Variants in MLLT3 observed in about 807,000 individuals in gnomAD.
MLLT3 encodes the protein MLLT3 super elongation complex subunit, also known as protein AF-9.
In MLLT3, 4 loss-of-function variants were observed where a neutral mutation model predicts 53.2. The ratio of observed to expected loss-of-function variants is 0.08; its 90% CI spans 0.04 to 0.17. MLLT3 has a LOEUF of 0.17. Ranked by LOEUF, MLLT3 falls within the 10% of genes least tolerant of loss-of-function variation. The pLI, the probability that MLLT3 is intolerant of heterozygous loss-of-function variation, is 1.00. For synonymous variants in MLLT3, 283 were observed against 230.6 expected, an observed-to-expected ratio of 1.23 and a Z score of -2.06; for missense variants, 569 against 684.0, an observed-to-expected ratio of 0.83 and a Z score of 1.87.
Position 20,620,248 on chromosome 9 carries a change from G to A in MLLT3, c.193+406C>T, listed in dbSNP as rs911313953. On this transcript the variant is annotated intron_variant, in intron 2 of 10. Coordinates refer to ENST00000380338, the MANE Select transcript of MLLT3 (RefSeq NM_004529.4). The surrounding 1 kb of genome is among the most constrained non-coding windows in gnomAD (Gnocchi z 6.1). ...ACACAGGTAAATCTTAATTTCTCTAGGAAAACACACACACACACACACACA... is the reference window on the plus strand; with the variant it reads ...ACACAGGTAAATCTTAATTTCTCTAAGAAAACACACACACACACACACACA... Among the ~76,000 whole-genome samples, 10 of 114,482 alleles carry A rather than the reference G, an allele frequency of 8.7e-5. No homozygotes were observed. The highest frequency in any genetic ancestry group is 3.3e-4 in the African/African-American group (9 of 27,020). The allele number at this position is 114,482 out of a possible 152,430, so 75.1% of individuals were successfully genotyped here.
intron 4 of MLLT3, among the ~76,000 whole-genome samples, chr9:20,441,327 C>A (rs1823546636): frequency 6.6e-6 from 1 of 152,118 alleles, no homozygotes; most frequent in Admixed American, 6.6e-5. Context: ...ATCATAAAAC[C>A]ACTAAATAGG....
At chr9:20,460,887 A>C (rs971294645) in intron 2 of MLLT3, among the ~76,000 whole-genome samples, 1 of 152,186 alleles carries the variant, frequency 6.6e-6, no homozygotes, top group Non-Finnish European at 1.5e-5. Context: ...CCACAGAGGA[A>C]ATTTTTCTTG....
intron 2 of MLLT3, among the ~76,000 whole-genome samples, chr9:20,501,676 G>A (rs1039995421): frequency 7.3e-5 from 11 of 151,152 alleles, no homozygotes; most frequent in African/African-American, 2.2e-4. Context: ...GCGTGAACCC[G>A]GGAAGCGGAG....
At chr9:20,430,528 G>A (rs998070974) in intron 4 of MLLT3, among the ~76,000 whole-genome samples, 10 of 151,986 alleles carry the variant, frequency 6.6e-5, no homozygotes, top group Non-Finnish European at 1.5e-4. Flanking sequence ...CATAGACAAC[G>A]CAATAAAACA....
chr9:20,476,742 G>A (rs1297188867), intron 2 of MLLT3, among the ~76,000 whole-genome samples: 1 of 152,036 alleles, frequency 6.6e-6, no homozygotes, highest in East Asian at 1.9e-4. Flanking sequence ...ATCCCTTGAA[G>A]TCCATCTTAA....
intron 2 of MLLT3, among the ~76,000 whole-genome samples, chr9:20,597,849 C>T (rs561371374): frequency 6.6e-6 from 1 of 152,238 alleles, no homozygotes; most frequent in South Asian, 2.1e-4. Context: ...TAGAAGCTTA[C>T]TAATATTTTT....
intron 2 of MLLT3, among the ~76,000 whole-genome samples, chr9:20,528,878 C>G (rs1353189845): frequency 2.0e-5 from 3 of 152,174 alleles, no homozygotes; most frequent in Non-Finnish European, 2.9e-5. Flanking sequence ...CAACAGCAGC[C>G]TACTGTAAAA....
chr9:20,461,761 C>T (rs1413031612), intron 2 of MLLT3, among the ~76,000 whole-genome samples: 4 of 152,074 alleles, frequency 2.6e-5, no homozygotes, highest in African/African-American at 4.8e-5. Flanking sequence ...TCCCTTTACC[C>T]TATTTGTTTT....
chr9:20,602,458 A>T (rs1820448976), intron 2 of MLLT3, among the ~76,000 whole-genome samples: 1 of 152,164 alleles, frequency 6.6e-6, no homozygotes, highest in South Asian at 2.1e-4. Context: ...TTTTGACTAT[A>T]AATTAACAGA....
In MLLT3 at chr9:20,622,279, T is replaced by G. The variant is rs1821042615; in HGVS notation, c.-23A>C. 3.2e-6 allele frequency: 5 copies of G among 1,582,030 alleles called. No homozygotes were observed. Among genetic ancestry groups the G allele is most frequent in the Non-Finnish European group, 4.3e-6 (5 of 1,162,966 alleles). ...CATGCCTGGGGGCCCGGAGGTTTGC[T>G]GGGGTGTTGTGTGGTACCCCCCCCT... is the stretch of plus-strand genomic sequence containing the variant. On this transcript the variant is annotated 5_prime_UTR_variant, in exon 1 of 11. Coordinates refer to ENST00000380338, the MANE Select transcript of MLLT3 (RefSeq NM_004529.4).
chr9:20,347,496 T>C (rs548818704), intron 10 of MLLT3, among the ~76,000 whole-genome samples: 1 of 152,368 alleles, frequency 6.6e-6, no homozygotes, highest in African/African-American at 2.4e-5. Context: ...CGGTTACTAT[T>C]ACTCTTGCCC....
At position 20,590,577 on chromosome 9, in the gene MLLT3, G is replaced by A. The variant is rs2131185733; in HGVS notation, c.193+30077C>T. Among the ~76,000 whole-genome samples the A allele has an allele frequency of 3.9e-5, 6 of 152,274 alleles. 1 individual carries two copies. Among genetic ancestry groups the A allele is most frequent in the Admixed American group, 3.9e-4 (6 of 15,290 alleles). ...CACTCTCTCACCTGCCTGCCACCAT[G>A]TAAGACATGCCTGCTTCCCCTTCTG... is the stretch of plus-strand genomic sequence containing the variant. On this transcript the variant is annotated intron_variant, in intron 2 of 10. Coordinates refer to ENST00000380338, the MANE Select transcript of MLLT3 (RefSeq NM_004529.4).
At chr9:20,515,589 C>G (rs1232528296) in intron 2 of MLLT3, among the ~76,000 whole-genome samples, 1 of 152,278 alleles carries the variant, frequency 6.6e-6, no homozygotes, top group East Asian at 1.9e-4. Context: ...CTTTTTCTCC[C>G]CATACTCACC....
At chr9:20,370,259 G>C (rs1821563959) in intron 5 of MLLT3, among the ~76,000 whole-genome samples, 3 of 152,116 alleles carry the variant, frequency 2.0e-5, no homozygotes. Context: ...TATTATACCT[G>C]TTATGGTGAT....
At chr9:20,518,696 GA>G (rs1471935870) in intron 2 of MLLT3, among the ~76,000 whole-genome samples, 3 of 152,302 alleles carry the variant, frequency 2.0e-5, no homozygotes, top group Admixed American at 2.0e-4. Flanking sequence ...TGAGGTGATG[GA>G]ATGAATGAGA....
chr9:20,490,177 G>C (rs189581971), intron 2 of MLLT3, among the ~76,000 whole-genome samples: 1 of 152,250 alleles, frequency 6.6e-6, no homozygotes, highest in Admixed American at 6.5e-5. Context: ...AAAGATTCCT[G>C]TCCTCTGGCT....
At chr9:20,359,145 C>CAAGAAAA (rs1821253367) in intron 8 of MLLT3, among the ~76,000 whole-genome samples, 1 of 20,964 alleles carries the variant, frequency 4.8e-5, no homozygotes, top group African/African-American at 1.6e-4. Context: ...AACTCCATCT[C>CAAGAAAA]AAAAAAAAAA....
chr9:20,495,848 G>T (rs953483831), intron 2 of MLLT3, among the ~76,000 whole-genome samples: 7 of 152,170 alleles, frequency 4.6e-5, no homozygotes, highest in Non-Finnish European at 1.0e-4. Flanking sequence ...AAATATGCTT[G>T]AGACAAATAC....
At chr9:20,455,133 T>C (rs537880365) in intron 3 of MLLT3, among the ~76,000 whole-genome samples, 3 of 152,338 alleles carry the variant, frequency 2.0e-5, no homozygotes, top group African/African-American at 7.2e-5. Flanking sequence ...TATGAAAGTA[T>C]ATCACGTCAA....
Sources: allele counts gnomAD v4.1 joint callset (sites outside exome capture counted in the v4.1 genomes callset), GRCh38; gene constraint gnomAD v4.1.1; non-coding constraint Gnocchi (gnomAD v3.1); transcripts MANE v1.5; gene names NCBI Gene and HGNC (gene_info 2026-07-23, HGNC 2026-07-21).